ANKRD30A: variants seen among roughly 807,000 people sequenced by gnomAD.
The protein encoded by ANKRD30A is ankyrin repeat domain 30A.
A neutral mutation model predicts 166.3 loss-of-function variants in ANKRD30A; 170 were observed. The observed-to-expected ratio is 1.02, with a 90% CI of 0.90 to 1.16. ANKRD30A has a LOEUF of 1.16. Ranked by LOEUF, ANKRD30A falls within the 50% of genes most tolerant of loss-of-function variation. The pLI is 0.00. For synonymous variants in ANKRD30A, 564 were observed against 508.9 expected (o/e 1.11, Z -1.46); for missense variants, 1,630 against 1,518.0 (o/e 1.07, Z -1.23).
At chr10:37,218,557 T>A (rs1429577253) in intron 33 of ANKRD30A, among the ~76,000 whole-genome samples, 3 of 151,040 alleles carry the variant, frequency 2.0e-5, no homozygotes, top group African/African-American at 7.3e-5. Flanking sequence ...AAAAAGGAAC[T>A]GAAAGAGCTC....
the ANKRD30A span, among the ~76,000 whole-genome samples, chr10:37,259,161 G>A: frequency 2.0e-5 from 3 of 151,960 alleles, no homozygotes; most frequent in African/African-American, 7.2e-5. Context: ...GGAAGTTAAA[G>A]TGGGAGAAGA....
chr10:37,167,240 C>CTA (rs1839424595), intron 19 of ANKRD30A, among the ~76,000 whole-genome samples: 1 of 147,966 alleles, frequency 6.8e-6, no homozygotes, highest in Admixed American at 6.7e-5. Flanking sequence ...TAGAATTGGA[C>CTA]TAAACCTCAG....
chr10:37,222,026 C>T (rs1231298971), intron 34 of ANKRD30A, among the ~76,000 whole-genome samples: 1 of 151,238 alleles, frequency 6.6e-6, no homozygotes, highest in Non-Finnish European at 1.5e-5. Flanking sequence ...TGCATTCAAA[C>T]ATTCAAAATA....
At chr10:37,195,219 C>T (rs1219083988) in intron 27 of ANKRD30A, among the ~76,000 whole-genome samples, 1 of 152,142 alleles carries the variant, frequency 6.6e-6, no homozygotes, top group Non-Finnish European at 1.5e-5. Flanking sequence ...GAAATAATGT[C>T]TGAAGTTGCA....
intron 13 of ANKRD30A, among the ~76,000 whole-genome samples, chr10:37,156,310 C>T (rs1838377147): frequency 6.6e-6 from 1 of 152,012 alleles, no homozygotes; most frequent in Non-Finnish European, 1.5e-5. Flanking sequence ...ATGAATCTTT[C>T]GAGCTATGCC....
the ANKRD30A span, among the ~76,000 whole-genome samples, chr10:37,237,574 C>T: frequency 7.9e-5 from 12 of 152,138 alleles, no homozygotes; most frequent in Admixed American, 4.6e-4. Context: ...CATTTTTTCT[C>T]CCATGTATAA....
At chr10:37,203,876 C>A (rs1478960172) in intron 31 of ANKRD30A, among the ~76,000 whole-genome samples, 2 of 152,138 alleles carry the variant, frequency 1.3e-5, no homozygotes, top group African/African-American at 4.8e-5. Context: ...CATGAGTGAA[C>A]TCCCATTCAC....
At chr10:37,248,737 G>A in the ANKRD30A span, among the ~76,000 whole-genome samples, 4 of 151,144 alleles carry the variant, frequency 2.6e-5, no homozygotes, top group South Asian at 8.4e-4. Context: ...TCAGCAAAGA[G>A]ACCACAAAAG....
At chr10:37,160,162 G>A (rs1398901579) in intron 15 of ANKRD30A, among the ~76,000 whole-genome samples, 2 of 152,118 alleles carry the variant, frequency 1.3e-5, no homozygotes, top group Non-Finnish European at 2.9e-5. Context: ...TAATTAGACC[G>A]TCTTTTCTAG....
intron 1 of ANKRD30A, among the ~76,000 whole-genome samples, chr10:37,129,411 T>C (rs1836244324): frequency 6.6e-6 from 1 of 152,198 alleles, no homozygotes; most frequent in Non-Finnish European, 1.5e-5. Context: ...GTAGTCATAA[T>C]TGTACCATTT....
chr10:37,149,861 A>G lies in ANKRD30A; in HGVS notation c.1645+12A>G, dbSNP rs759820225. The G allele has an allele frequency of 3.7e-5, 60 of 1,612,170 alleles. No individual in the cohort carries two copies. The South Asian group carries it at 6.4e-4, about 17-fold the overall frequency. Reference sequence around the variant, plus strand: ...AACATTGAGAGCAGGTAAATTTTTCAATTTAACTATGCAAAGACGAATATT... The same window carrying G: ...AACATTGAGAGCAGGTAAATTTTTCGATTTAACTATGCAAAGACGAATATT... On this transcript the variant is annotated intron_variant, in intron 11 of 35. Transcript: ENST00000361713.
the ANKRD30A span, among the ~76,000 whole-genome samples, chr10:37,260,070 C>T: frequency 6.6e-6 from 1 of 151,564 alleles, no homozygotes; most frequent in African/African-American, 2.4e-5. Flanking sequence ...GTTATGGATA[C>T]CCGGGGGGTG....
intron 31 of ANKRD30A, among the ~76,000 whole-genome samples, chr10:37,204,527 C>A (rs1841861276): frequency 6.6e-6 from 1 of 152,098 alleles, no homozygotes; most frequent in South Asian, 2.1e-4. Flanking sequence ...AGAAGAAAAC[C>A]TAGGCAATAC....
chr10:37,203,220 A>G (rs1027136405), intron 31 of ANKRD30A, among the ~76,000 whole-genome samples: 3 of 152,294 alleles, frequency 2.0e-5, no homozygotes, highest in Admixed American at 2.0e-4. Context: ...GATGAACATC[A>G]ATGCAAAAAT....
chr10:37,165,595 T>C (rs972541517), intron 18 of ANKRD30A, among the ~76,000 whole-genome samples: 5 of 151,996 alleles, frequency 3.3e-5, no homozygotes, highest in African/African-American at 1.2e-4. Flanking sequence ...TGCCTGGGAC[T>C]TGAACATATT....
chr10:37,212,349 A>G (rs1842378731), intron 31 of ANKRD30A, among the ~76,000 whole-genome samples: 1 of 152,042 alleles, frequency 6.6e-6, no homozygotes, highest in South Asian at 2.1e-4. Context: ...ACTACAAACC[A>G]CTGCCCAATG....
At chr10:37,130,797 T>G (rs1306774611) in intron 3 of ANKRD30A, among the ~76,000 whole-genome samples, 2 of 152,214 alleles carry the variant, frequency 1.3e-5, no homozygotes, top group Non-Finnish European at 2.9e-5. Flanking sequence ...TTTGGTATGC[T>G]AAGAAGACAT....
rs192285271 is a variant in ANKRD30A at position 37,192,472 on chromosome 10, T to C, written c.2513-592T>C. On this transcript the variant is annotated intron_variant, in intron 25 of 35. Coordinates refer to ENST00000361713, the MANE Select transcript of ANKRD30A (RefSeq NM_052997.3). ...TATTTCTCAGAGGTACAAAAATGAATATATTTATTAACTTTTATTCTATAA... is the reference window on the plus strand; with the variant it reads ...TATTTCTCAGAGGTACAAAAATGAACATATTTATTAACTTTTATTCTATAA... Among the ~76,000 whole-genome samples the C allele has an allele frequency of 3.1e-4, 47 of 152,012 alleles. No individual in the cohort carries two copies. The East Asian group carries it at 8.1e-3, about 26-fold the overall frequency.
At chr10:37,172,570 A>G (rs1331287094) in intron 21 of ANKRD30A, among the ~76,000 whole-genome samples, 2 of 136,430 alleles carry the variant, frequency 1.5e-5, no homozygotes, top group African/African-American at 2.7e-5. Context: ...TTTTTTTAGT[A>G]GAAGCATTCA....
Sources: gnomAD v4.1 joint callset for allele counts (sites outside exome capture counted in the v4.1 genomes callset) on GRCh38, gnomAD v4.1.1 for gene constraint, MANE v1.5 for transcripts, NCBI Gene and HGNC (gene_info 2026-07-23, HGNC 2026-07-21) for gene names.